CNGA3: variants seen among roughly 807,000 people sequenced by gnomAD.
The protein encoded by CNGA3 is cyclic nucleotide gated channel subunit alpha 3.
In CNGA3, 42 loss-of-function variants were observed where a neutral mutation model predicts 46.6. The ratio of observed to expected loss-of-function variants is 0.90; its 90% CI spans 0.70 to 1.17. The LOEUF (loss-of-function observed/expected upper bound fraction) is 1.17. Ranked by LOEUF, CNGA3 falls within the 50% of genes most tolerant of loss-of-function variation. The probability of loss-of-function intolerance (pLI) is 0.00; values close to 1 mark genes in which losing one functional copy is unlikely to be tolerated. For synonymous variants in CNGA3, 394 were observed against 369.4 expected (o/e 1.07, Z -0.76); for missense variants, 893 against 890.7 (o/e 1.00, Z -0.03).
chr2:98,361,698 T>C (rs1170937034), intron 1 of CNGA3, among the ~76,000 whole-genome samples: 1 of 148,856 alleles, frequency 6.7e-6, no homozygotes, highest in African/African-American at 2.5e-5. Flanking sequence ...ACTGTCCTTT[T>C]CTTGACTTTT....
At chr2:98,392,199 C>T (rs1269772614) in intron 7 of CNGA3, among the ~76,000 whole-genome samples, 2 of 152,200 alleles carry the variant, frequency 1.3e-5, no homozygotes, top group African/African-American at 2.4e-5. Context: ...CTCTGCTCTT[C>T]CAACAAGCTG....
intron 1 of CNGA3, among the ~76,000 whole-genome samples, chr2:98,364,535 T>A (rs1692103822): frequency 6.6e-6 from 1 of 152,200 alleles, no homozygotes; most frequent in South Asian, 2.1e-4. Context: ...GTTTCTTGAA[T>A]ACAGCACACT....
At chr2:98,353,375 C>A (rs1376993691) in intron 1 of CNGA3, among the ~76,000 whole-genome samples, 1 of 152,104 alleles carries the variant, frequency 6.6e-6, no homozygotes, top group Non-Finnish European at 1.5e-5. Flanking sequence ...CACCTAGGTT[C>A]ATATTCACAC....
chr2:98,389,645 T>A lies in CNGA3; in HGVS notation c.450-13T>A. The A allele has an allele frequency of 1.2e-6, 2 of 1,610,396 alleles. No homozygotes were observed. On this transcript the variant is annotated splice_polypyrimidine_tract_variant and intron_variant, in intron 5 of 7. Transcript: ENST00000272602. ...GAGCACAGTGCGCTGTTTGTGTATG[T>A]GTGGGTTTCCAGGAAGAAGACGAAA...
intron 2 of CNGA3, 102 bp downstream of exon 2, chr2:98,370,178 A>G (rs1397555639): frequency 7.3e-6 from 7 of 962,252 alleles, no homozygotes; most frequent in Non-Finnish European, 1.1e-5. Context: ...TTGGCCAGCC[A>G]CAGGTCAGAG....
intron 1 of CNGA3, among the ~76,000 whole-genome samples, chr2:98,356,574 C>T (rs558518917): frequency 1.3e-5 from 2 of 152,172 alleles, no homozygotes; most frequent in South Asian, 2.1e-4. Flanking sequence ...TCATTCAGAA[C>T]GACTTCCAGT....
At chr2:98,368,529 C>T (rs1355490531) in intron 1 of CNGA3, among the ~76,000 whole-genome samples, 7 of 152,318 alleles carry the variant, frequency 4.6e-5, no homozygotes, top group African/African-American at 1.2e-4. Context: ...CACAGGGGCA[C>T]CTTCCAATGT....
Sources: gnomAD v4.1 joint callset for allele counts (sites outside exome capture counted in the v4.1 genomes callset) on GRCh38, gnomAD v4.1.1 for gene constraint, MANE v1.5 for transcripts, NCBI Gene and HGNC (gene_info 2026-07-23, HGNC 2026-07-21) for gene names.